Variants in NEK5 observed in about 807,000 individuals in gnomAD.
NEK5 encodes the protein NIMA related kinase 5.
NEK5 carries 88 observed loss-of-function variants against 109.2 expected under a neutral mutation model. The ratio of observed to expected loss-of-function variants is 0.81; its 90% CI spans 0.68 to 0.96. NEK5 has a LOEUF of 0.96. NEK5 is among the 40% of genes least tolerant of loss of function. The pLI is 0.00. For missense variants in NEK5, 834 were observed against 920.7 expected, an observed-to-expected ratio of 0.91 and a Z score of 1.22; for synonymous variants, 283 against 299.9, an observed-to-expected ratio of 0.94 and a Z score of 0.58.
At chr13:52,083,148 G>GAAA in intron 17 of NEK5, 112 bp downstream of exon 17, 4 of 567,272 alleles carry the variant, frequency 7.1e-6, no homozygotes, top group South Asian at 2.2e-5. Context: ...CCGTCTCATA[G>GAAA]AAAAAAAAAA....
chr13:52,110,526 T>C lies in NEK5; in HGVS notation c.364A>G (p.Arg122Gly). ...TTTATGTCCCTGTGTAATATCTTCC[T>C]GTCATGAATATGTTTTAGTCCTAGA... ...ISLGLKHIHD[R>G]KILHRDIKAQ... The change falls in exon 6 of 24, where the codon AGG (arginine) becomes GGG (glycine). Residue 122 changes from arginine to glycine, a missense_variant. Arg to Gly is a moderately radical substitution (Grantham distance 125). Transcript: ENST00000684899. The C allele has an allele frequency of 6.2e-7, 1 of 1,612,878 alleles. No homozygotes were observed.
chr13:52,100,185 A>G (rs181557003), intron 11 of NEK5, among the ~76,000 whole-genome samples: 1 of 152,356 alleles, frequency 6.6e-6, no homozygotes, highest in Admixed American at 6.5e-5. Context: ...AATAAAAGTT[A>G]TTAAATTTGG....
chr13:52,092,916 CTA>C, intron 13 of NEK5, 136 bp downstream of exon 13: 1 of 609,186 alleles, frequency 1.6e-6, no homozygotes, highest in South Asian at 2.8e-5. Flanking sequence ...GTCAAGGGAA[CTA>C]TGTGTTTAAA....
intron 4 of NEK5, among the ~76,000 whole-genome samples, chr13:52,113,497 G>A (rs1292258686): frequency 6.6e-6 from 1 of 152,132 alleles, no homozygotes; most frequent in Non-Finnish European, 1.5e-5. Flanking sequence ...TGACCTAAAT[G>A]TTGAATGAAA....
In NEK5 at chr13:52,034,717, TGAGGGG is replaced by T; in HGVS notation, c.*2225_*2230del. The T allele has an allele frequency of 6.9e-6, 1 of 145,576 alleles. No individual in the cohort carries two copies. Among genetic ancestry groups the T allele is most frequent in the African/African-American group, 2.5e-5 (1 of 39,492 alleles). 9.0% of individuals were successfully genotyped at this position (145,576 alleles called of 1,614,324 possible). A position where few individuals can be genotyped will look rare whatever the true frequency, so the allele number is the denominator to read the frequency against. ...ATTCTTTTTTTTTTTTTTTTTTTTC[TGAGGGG>T]TGGATAGAGATGGGTGTTTCCCTAT... is the stretch of plus-strand genomic sequence containing the variant. On this transcript the variant is annotated 3_prime_UTR_variant, in exon 24 of 24. Coordinates refer to ENST00000684899, the MANE Select transcript of NEK5 (RefSeq NM_001365552.1).
intron 20 of NEK5, 104 bp from the exon 21 acceptor site, chr13:52,065,713 T>G: frequency 5.3e-6 from 4 of 747,812 alleles, no homozygotes; most frequent in Non-Finnish European, 9.0e-6. Flanking sequence ...GCAGGTATGT[T>G]CAAAACCAGA....
At chr13:52,069,147 A>AC (rs1376100659) in intron 20 of NEK5, among the ~76,000 whole-genome samples, 1 of 151,848 alleles carries the variant, frequency 6.6e-6, no homozygotes, top group African/African-American at 2.4e-5. Context: ...AAAACAGCCA[A>AC]CCCCCTCTGC....
intron 23 of NEK5, among the ~76,000 whole-genome samples, chr13:52,044,653 C>T (rs1954441061): frequency 6.6e-6 from 1 of 152,184 alleles, no homozygotes; most frequent in African/African-American, 2.4e-5. Context: ...GGTGTTGTTT[C>T]TCTGTAGTCT....
At chr13:52,046,526 C>T (rs149762679) in intron 23 of NEK5, among the ~76,000 whole-genome samples, 54 of 149,916 alleles carry the variant, frequency 3.6e-4, no homozygotes, top group Middle Eastern at 3.4e-3. Flanking sequence ...GAGTTTAAGA[C>T]CAGTCTGGGC....
chr13:52,079,398 T>G (rs868294282), intron 17 of NEK5, among the ~76,000 whole-genome samples: 21 of 148,636 alleles, frequency 1.4e-4, no homozygotes, highest in African/African-American at 4.5e-4. Flanking sequence ...GCAACTTCCC[T>G]GCCTGATTCT....
chr13:52,081,312 G>A (rs960771446), intron 17 of NEK5, among the ~76,000 whole-genome samples: 1 of 152,138 alleles, frequency 6.6e-6, no homozygotes, highest in Non-Finnish European at 1.5e-5. Context: ...GTTTGCAAAG[G>A]TATCTGCTGC....
intron 23 of NEK5, among the ~76,000 whole-genome samples, chr13:52,046,681 C>T (rs1341701629): frequency 6.6e-6 from 1 of 151,232 alleles, no homozygotes; most frequent in Non-Finnish European, 1.5e-5. Context: ...CAGTGAGGTG[C>T]GATCATGCCG....
intron 4 of NEK5, among the ~76,000 whole-genome samples, chr13:52,114,282 A>T (rs1955808795): frequency 6.6e-6 from 1 of 152,230 alleles, no homozygotes; most frequent in African/African-American, 2.4e-5. Context: ...CGCCAAAATC[A>T]GTCTTATAAG....
At chr13:52,073,759 T>C (rs1954819335) in intron 19 of NEK5, among the ~76,000 whole-genome samples, 1 of 152,286 alleles carries the variant, frequency 6.6e-6, no homozygotes, top group Non-Finnish European at 1.5e-5. Context: ...CTGGAACTGA[T>C]GAACAACTTC....
chr13:52,079,624 C>T (rs1349544763), intron 17 of NEK5, among the ~76,000 whole-genome samples: 9 of 152,336 alleles, frequency 5.9e-5, no homozygotes, highest in South Asian at 4.1e-4. Context: ...CAGGCTGGAG[C>T]GCAGTGGCGT....
chr13:52,099,669 AAAAC>A (rs375969049), intron 12 of NEK5, 70 bp downstream of exon 12: 823 of 1,510,408 alleles, frequency 5.4e-4, no homozygotes, highest in South Asian at 6.8e-4. Context: ...ACTCCGTCTC[AAAAC>A]AAACAAACAA....
chr13:52,037,956 ACT>A (rs1954378164), intron 23 of NEK5, among the ~76,000 whole-genome samples: 1 of 151,510 alleles, frequency 6.6e-6, no homozygotes, highest in African/African-American at 2.4e-5. Context: ...TCTCACAGCT[ACT>A]AATTCATAGA....
chr13:52,109,563 G>A (rs909639453), intron 7 of NEK5, among the ~76,000 whole-genome samples: 1 of 151,970 alleles, frequency 6.6e-6, no homozygotes, highest in Non-Finnish European at 1.5e-5. Context: ...GCTTTTTCCT[G>A]ATCCAGGAAA....
chr13:52,039,209 T>C (rs749563662), intron 23 of NEK5, among the ~76,000 whole-genome samples: 2 of 152,104 alleles, frequency 1.3e-5, no homozygotes, highest in Non-Finnish European at 2.9e-5. Context: ...ACGCGTACTA[T>C]CTCTGTGAAG....
Sources: gnomAD v4.1 joint callset for allele counts (sites outside exome capture counted in the v4.1 genomes callset) on GRCh38, gnomAD v4.1.1 for gene constraint, MANE v1.5 for transcripts, NCBI Gene and HGNC (gene_info 2026-07-23, HGNC 2026-07-21) for gene names.